NLGN4X: variants seen among roughly 807,000 people sequenced by gnomAD.
The protein encoded by NLGN4X is neuroligin 4 X-linked.
In NLGN4X, 3 loss-of-function variants were observed where a neutral mutation model predicts 40.3. That is an observed-to-expected ratio of 0.07 (90% CI 0.03 to 0.19). The LOEUF (loss-of-function observed/expected upper bound fraction) is 0.19, where lower values mean the gene tolerates loss of function less well. Ranked by LOEUF, NLGN4X falls within the 10% of genes least tolerant of loss-of-function variation. The probability of loss-of-function intolerance (pLI) is 1.00; values close to 1 mark genes in which losing one functional copy is unlikely to be tolerated. For synonymous variants in NLGN4X, 270 were observed against 306.8 expected (o/e 0.88, Z 1.25); for missense variants, 382 against 708.3 (o/e 0.54, Z 5.23).
At chrX:6,032,507 A>G (rs1474082162) in intron 2 of NLGN4X, among the ~76,000 whole-genome samples, 2 of 109,265 alleles carry the variant, frequency 1.8e-5, no homozygotes, top group Non-Finnish European at 3.8e-5. Context: ...TTTCCTGTAC[A>G]TGGTAACTGG....
chrX:6,050,931 A>C (rs1299893523), intron 2 of NLGN4X, among the ~76,000 whole-genome samples: 1 of 111,959 alleles, frequency 8.9e-6, no homozygotes, highest in East Asian at 2.8e-4. Flanking sequence ...TTAGGAGTTA[A>C]GGAGTTAGAA....
At chrX:6,133,712 G>T (rs1247102746) in intron 2 of NLGN4X, among the ~76,000 whole-genome samples, 1 of 111,558 alleles carries the variant, frequency 9.0e-6, no homozygotes, top group African/African-American at 3.3e-5. Flanking sequence ...ATCTGCATTT[G>T]GAAAAAATTC....
At chrX:6,097,992 C>G (rs1602226041) in intron 2 of NLGN4X, among the ~76,000 whole-genome samples, 1 of 112,338 alleles carries the variant, frequency 8.9e-6, no homozygotes, top group South Asian at 3.7e-4. Context: ...GAAAATAAAC[C>G]AATTAAAAAC....
intron 2 of NLGN4X, among the ~76,000 whole-genome samples, chrX:6,063,644 G>T (rs1440490489): frequency 8.9e-6 from 1 of 112,012 alleles, no homozygotes; most frequent in East Asian, 2.8e-4. Context: ...ATAACTGAAA[G>T]AATTAATAGT....
chrX:6,017,259 T>C (rs13328505), intron 3 of NLGN4X, among the ~76,000 whole-genome samples: 37,723 of 110,779 alleles, frequency 0.34, 5,376 homozygotes, highest in East Asian at 0.76. Context: ...AAAATGCTTA[T>C]GACATTTCTG....
At chrX:6,012,447 TG>T (rs1443099281) in intron 3 of NLGN4X, among the ~76,000 whole-genome samples, 3 of 111,952 alleles carry the variant, frequency 2.7e-5, no homozygotes, top group African/African-American at 9.8e-5. Context: ...GAAAGCCAGG[TG>T]GCATCCTGAA....
At chrX:6,056,380 G>T (rs1327695303) in intron 2 of NLGN4X, among the ~76,000 whole-genome samples, 1 of 110,508 alleles carries the variant, frequency 9.0e-6, no homozygotes, top group African/African-American at 3.3e-5. Context: ...GAAGGCTGAG[G>T]CAGGAGAACT....
At chrX:5,971,722 AAC>A (rs2035024648) in intron 3 of NLGN4X, among the ~76,000 whole-genome samples, 1 of 111,734 alleles carries the variant, frequency 8.9e-6, no homozygotes, top group Non-Finnish European at 1.9e-5. Flanking sequence ...ACTGCACAAT[AAC>A]ACACATAATG....
intron 2 of NLGN4X, 33 bp downstream of exon 2, chrX:6,150,962 A>G (rs753206257): frequency 9.0e-7 from 1 of 1,108,146 alleles, no homozygotes; most frequent in South Asian, 1.8e-5. Flanking sequence ...ACTGCACAAG[A>G]GGTATTGTTT....
intron 1 of NLGN4X, among the ~76,000 whole-genome samples, chrX:6,158,856 C>A (rs1046741997): frequency 2.7e-5 from 3 of 112,227 alleles, no homozygotes; most frequent in African/African-American, 9.7e-5. Context: ...TCCATGTGTT[C>A]TCATCATTCA....
chrX:5,911,537 A>G (rs1411386941), intron 3 of NLGN4X, among the ~76,000 whole-genome samples: 1 of 112,120 alleles, frequency 8.9e-6, no homozygotes, highest in Non-Finnish European at 1.9e-5. Flanking sequence ...CAATCCATGG[A>G]TCTCTGAAGT....
chrX:6,164,114 G>C (rs1382436676), intron 1 of NLGN4X, among the ~76,000 whole-genome samples: 1 of 112,645 alleles, frequency 8.9e-6, no homozygotes, highest in African/African-American at 3.2e-5. Context: ...TATTGTTTTT[G>C]CCTGCAGGAA....
chrX:6,124,042 T>C (rs1276296479), intron 2 of NLGN4X, among the ~76,000 whole-genome samples: 1 of 110,017 alleles, frequency 9.1e-6, no homozygotes, highest in Non-Finnish European at 1.9e-5. Context: ...ATGAAGACAC[T>C]AAAAATTTTA....
intron 1 of NLGN4X, among the ~76,000 whole-genome samples, chrX:6,224,768 C>T (rs1400541371): frequency 4.6e-5 from 5 of 108,162 alleles, no homozygotes; most frequent in African/African-American, 1.3e-4. Context: ...AGCAATTCTT[C>T]CACTGGAGAA....
intron 1 of NLGN4X, among the ~76,000 whole-genome samples, chrX:6,179,450 A>G (rs1602376441): frequency 8.9e-6 from 1 of 112,138 alleles, no homozygotes; most frequent in East Asian, 2.8e-4. Flanking sequence ...ACCTGCTCCG[A>G]TGAGTGTTAG....
intron 2 of NLGN4X, among the ~76,000 whole-genome samples, chrX:6,090,151 T>C (rs2038602259): frequency 8.9e-6 from 1 of 111,761 alleles, no homozygotes; most frequent in East Asian, 2.8e-4. Context: ...TCTTTTTAGT[T>C]TTTATTTTTG....
intron 3 of NLGN4X, among the ~76,000 whole-genome samples, chrX:5,983,741 C>G (rs2035453388): frequency 8.9e-6 from 1 of 111,947 alleles, no homozygotes; most frequent in African/African-American, 3.2e-5. Context: ...AATTAGAGAA[C>G]AGCCTGGGCA....
rs1319807072 is a variant in NLGN4X, at chrX:6,078,587, G to T, written c.473-49155C>A. Among the ~76,000 whole-genome samples, 5 of 111,609 alleles carry T rather than the reference G, an allele frequency of 4.5e-5. No individual in the cohort carries two copies. The East Asian group carries it at 1.4e-3, about 31-fold the overall frequency. On this transcript the variant is annotated intron_variant, in intron 2 of 5. Transcript: ENST00000381095. Reference sequence around the variant, plus strand: ...CAGCAACTCTAATAATGTGCTTGCGGCAATTATTGACCCCAAGATGCAGCA... The same window carrying T: ...CAGCAACTCTAATAATGTGCTTGCGTCAATTATTGACCCCAAGATGCAGCA...
chrX:6,176,754 G>A (rs1047654716), intron 1 of NLGN4X, among the ~76,000 whole-genome samples: 15 of 111,981 alleles, frequency 1.3e-4, no homozygotes, highest in African/African-American at 4.2e-4. Context: ...CCTCCAAAAA[G>A]AACGGTGTCC....
Sources: allele counts gnomAD v4.1 joint callset (sites outside exome capture counted in the v4.1 genomes callset), GRCh38; gene constraint gnomAD v4.1.1; transcripts MANE v1.5; gene names NCBI Gene and HGNC (gene_info 2026-07-23, HGNC 2026-07-21).